The following ATP7B variants were observed in gnomAD, a reference collection of about 807,000 sequenced individuals.
ATP7B encodes copper-transporting ATPase 2.
ATP7B carries 113 observed loss-of-function variants against 118.9 expected under a neutral mutation model. The ratio of observed to expected loss-of-function variants is 0.95; its 90% CI spans 0.82 to 1.11. The LOEUF is 1.11. ATP7B is among the 50% of genes most tolerant of loss of function. The pLI is 0.00. For synonymous variants in ATP7B, 777 were observed against 727.4 expected (o/e 1.07, Z -1.10); for missense variants, 1,867 against 1,871.4 (o/e 1.00, Z 0.04).
intron 7 of ATP7B, chr13:51,958,745 C>A: frequency 1.6e-6 from 1 of 606,154 alleles, no homozygotes. Flanking sequence ...TGACCAAGAG[C>A]ATGTGAGACC....
At chr13:51,984,646 T>C (rs1386373127) in intron 1 of ATP7B, among the ~76,000 whole-genome samples, 1 of 151,674 alleles carries the variant, frequency 6.6e-6, no homozygotes, top group East Asian at 1.9e-4. Flanking sequence ...AAGGAAAAAA[T>C]GTTGAGGGCA....
intron 5 of ATP7B, 187 bp downstream of exon 5, chr13:51,964,685 C>G: frequency 1.6e-6 from 1 of 637,480 alleles, no homozygotes; most frequent in Non-Finnish European, 2.6e-6. Context: ...CTGATATCCT[C>G]CCTCAGATTA....
rs184868522 is a variant in ATP7B at position 51,975,122 on chromosome 13, A to G, written c.98T>C (p.Met33Thr). Residue 33 changes from methionine (M) to threonine (T), a missense_variant, in exon 2 of 21, where the codon ATG (methionine) becomes ACG (threonine). Coordinates refer to ENST00000242839, the MANE Select transcript of ATP7B (RefSeq NM_000053.4). ...SLPTRAWEPA[M>T]KKSFAFDNVG... ...ATTGTCAAAAGCAAAACTCTTCTTC[A>G]TTGCTGGTTCCCAGGCACGGGTAGG... 1,384 of 1,614,266 alleles carry G rather than the reference A, an allele frequency of 8.6e-4. 2 individuals are homozygous for G. Among genetic ancestry groups the G allele is most frequent in the Admixed American group, 1.8e-3 (111 of 60,032 alleles).
upstream of ATP7B, chr13:52,011,632 T>G (rs1332866041): frequency 7.3e-6 from 4 of 546,212 alleles, no homozygotes; most frequent in African/African-American, 5.7e-5. Flanking sequence ...CCTCGCCCAC[T>G]CCCCAGGTGG....
chr13:51,941,385 AAAG>A (rs1957324432), intron 15 of ATP7B, among the ~76,000 whole-genome samples, 161 bp from the exon 16 acceptor site: 1 of 152,258 alleles, frequency 6.6e-6, no homozygotes. Flanking sequence ...AAAAAAAAAA[AAAG>A]TAAAATTAAT....
chr13:51,948,743 G>T (rs1957813742), intron 12 of ATP7B, among the ~76,000 whole-genome samples: 1 of 152,024 alleles, frequency 6.6e-6, no homozygotes, highest in Non-Finnish European at 1.5e-5. Flanking sequence ...TTTTTGAGGG[G>T]TGGCCTGTAT....
intron 1 of ATP7B, among the ~76,000 whole-genome samples, chr13:51,984,404 A>G (rs979928286): frequency 2.6e-5 from 4 of 152,218 alleles, no homozygotes; most frequent in Admixed American, 2.0e-4. Flanking sequence ...TCCAAGAAAT[A>G]TAAGACTATG....
intron 12 of ATP7B, among the ~76,000 whole-genome samples, chr13:51,946,966 C>T (rs976325562): frequency 1.3e-5 from 2 of 152,128 alleles, no homozygotes; most frequent in Non-Finnish European, 2.9e-5. Context: ...CTTAAAAATG[C>T]TATTCTAAGG....
intron 1 of ATP7B, among the ~76,000 whole-genome samples, chr13:52,003,847 C>G (rs566773742): frequency 1.3e-5 from 2 of 152,296 alleles, no homozygotes; most frequent in African/African-American, 4.8e-5. Context: ...AGGTGGATAG[C>G]TGGAGTTTTA....
intron 1 of ATP7B, 96 bp downstream of exon 1, chr13:52,011,191 C>T: frequency 1.3e-6 from 2 of 1,588,790 alleles, no homozygotes; most frequent in South Asian, 2.2e-5. Context: ...GCCTTCCCTG[C>T]GCACCCCCTG....
upstream of ATP7B, chr13:52,011,460 G>A: frequency 7.8e-7 from 1 of 1,283,732 alleles, no homozygotes; most frequent in Admixed American, 1.9e-5. Context: ...GGGCATCGGC[G>A]CGGCTCGGCT....
chr13:51,942,578 G>A, intron 14 of ATP7B, 24 bp from the exon 15 acceptor site: 1 of 1,613,636 alleles, frequency 6.2e-7, no homozygotes. Context: ...AAGAGAGGAA[G>A]AGGAAACTGT....
At chr13:52,007,152 T>C (rs1953810742) in intron 1 of ATP7B, among the ~76,000 whole-genome samples, 1 of 152,206 alleles carries the variant, frequency 6.6e-6, no homozygotes, top group South Asian at 2.1e-4. Flanking sequence ...TGCACCTACA[T>C]GTGGGAAATA....
chr13:51,940,165 A>ACCACACC (rs1354238185), intron 16 of ATP7B, among the ~76,000 whole-genome samples: 1 of 150,166 alleles, frequency 6.7e-6, no homozygotes, highest in Non-Finnish European at 1.5e-5. Flanking sequence ...GGCATGCGCC[A>ACCACACC]CCACACCCCG....
At position 52,006,816 on chromosome 13, in the gene ATP7B, G is replaced by A. The variant is rs148676326; in HGVS notation, c.51+4471C>T. On this transcript the variant is annotated intron_variant, in intron 1 of 20. Coordinates refer to ENST00000242839, the MANE Select transcript of ATP7B (RefSeq NM_000053.4). ...CTGCCTTCAATGCCCTTCTCTCCAT[G>A]CTCCTGTGTGCCCAATCAATGCCTG... Among the ~76,000 whole-genome samples, 8 of 152,140 alleles carry A rather than the reference G, an allele frequency of 5.3e-5. No individual in the cohort carries two copies. The East Asian group carries it at 1.5e-3, about 29-fold the overall frequency.
chr13:51,968,536 G>A lies in ATP7B; in HGVS notation c.1615C>T (p.Pro539Ser). The A allele has an allele frequency of 6.2e-7, 1 of 1,614,174 alleles. No homozygotes were observed. Among genetic ancestry groups the A allele is most frequent in the Non-Finnish European group, 8.5e-7 (1 of 1,180,042 alleles). The change falls in exon 4 of 21, where the codon CCC (proline) becomes TCC (serine). Residue 539 changes from proline to serine, a missense_variant. Pro to Ser is a moderately conservative substitution (Grantham distance 74). Transcript: ENST00000242839. ...TGGATGAACTGAGCTATCTCGAGGG[G>A]CTGGATGACCTCTGGGTCATACTTG... ...EIKYDPEVIQPLEIAQFIQDL... is the reference protein window; with the variant it reads ...EIKYDPEVIQSLEIAQFIQDL...
chr13:51,941,169 G>A lies in ATP7B; in HGVS notation c.3468C>T (p.Arg1156=). The stretch of plus-strand genomic sequence containing the variant: ...CATCGCTAGAAATGGTTAAACCGTT[G>A]CGCCTCAGCCACTCACGGTTTCCAA... ...VLIGNREWLR[R]NGLTISSDVS... is the part of the protein sequence containing the mutation. The change falls in exon 16 of 21, where the codon CGC becomes CGT. Residue 1156 remains arginine, a synonymous_variant. Coordinates refer to ENST00000242839, the MANE Select transcript of ATP7B (RefSeq NM_000053.4). 1 of 1,614,146 alleles carries A rather than the reference G, an allele frequency of 6.2e-7. No homozygotes were observed. The highest frequency in any genetic ancestry group is 8.5e-7 in the Non-Finnish European group (1 of 1,180,016).
chr13:51,993,602 A>G (rs759525676), intron 1 of ATP7B, among the ~76,000 whole-genome samples: 1 of 152,124 alleles, frequency 6.6e-6, no homozygotes, highest in Non-Finnish European at 1.5e-5. Context: ...AAGGAAAAAT[A>G]GAGTTGCAAC....
At chr13:51,942,324 GCT>G in intron 15 of ATP7B, 60 bp downstream of exon 15, 1 of 1,606,934 alleles carries the variant, frequency 6.2e-7, no homozygotes, top group South Asian at 1.1e-5. Context: ...TGGGCGTGGT[GCT>G]CTCTGTGGTT....
Sources: allele counts gnomAD v4.1 joint callset (sites outside exome capture counted in the v4.1 genomes callset), GRCh38; gene constraint gnomAD v4.1.1; transcripts MANE v1.5; gene names NCBI Gene and HGNC (gene_info 2026-07-23, HGNC 2026-07-21).